ETFB: variants seen among roughly 807,000 people sequenced by gnomAD.
The protein encoded by ETFB is beta-ETF.
Under a neutral mutation model 25.6 loss-of-function variants are expected in ETFB, and 20 were observed. The observed-to-expected ratio is 0.78, with a 90% CI of 0.55 to 1.14. The LOEUF (loss-of-function observed/expected upper bound fraction) is 1.14, where lower values mean the gene tolerates loss of function less well. Ranked by LOEUF, ETFB falls within the 50% of genes most tolerant of loss-of-function variation. ETFB has a pLI of 0.00. For missense variants in ETFB, 286 were observed against 342.6 expected (o/e 0.83, Z 1.30); for synonymous variants, 142 against 146.7 (o/e 0.97, Z 0.23).
At chr19:51,364,811 C>T (rs1382901651) in intron 1 of ETFB, among the ~76,000 whole-genome samples, 1 of 152,166 alleles carries the variant, frequency 6.6e-6, no homozygotes, top group Non-Finnish European at 1.5e-5. Context: ...CAGACTTGCC[C>T]GGGGTTTCGA....
chr19:51,354,351 G>A (rs1447931035), intron 1 of ETFB, 43 bp from the exon 2 acceptor site: 3 of 1,613,802 alleles, frequency 1.9e-6, no homozygotes, highest in African/African-American at 1.3e-5. Flanking sequence ...GAGGAAACAG[G>A]CAAGAAGGTG....
Position 51,350,406 on chromosome 19 carries a change from A to G in ETFB, c.376-15T>C. The G allele has an allele frequency of 1.5e-6, 2 of 1,302,972 alleles. No homozygotes were observed. Among genetic ancestry groups the G allele is most frequent in the Non-Finnish European group, 1.1e-6 (1 of 901,546 alleles). The allele number at this position is 1,302,972 out of a possible 1,614,324, so 80.7% of individuals were successfully genotyped here. A position where few individuals can be genotyped will look rare whatever the true frequency, so the allele number is the denominator to read the frequency against. On this transcript the variant is annotated splice_polypyrimidine_tract_variant and intron_variant, in intron 3 of 5. Coordinates refer to ENST00000309244, the MANE Select transcript of ETFB (RefSeq NM_001985.3). ...TCATCGATGGCCTGAATGGGGAGAG[A>G]CAGAAGACTGTATGACAATCAGTGG...
chr19:51,366,244 G>C (rs1986362601), intron 1 of ETFB, 26 bp downstream of exon 1: 2 of 1,611,452 alleles, frequency 1.2e-6, no homozygotes, highest in African/African-American at 2.7e-5. Flanking sequence ...GGGACTCAGG[G>C]ATGTGGGAGA....
At chr19:51,362,612 C>T (rs1986260045) in intron 1 of ETFB, among the ~76,000 whole-genome samples, 1 of 152,156 alleles carries the variant, frequency 6.6e-6, no homozygotes, top group Non-Finnish European at 1.5e-5. Flanking sequence ...GTGCCAGGCA[C>T]TGTTCCAAGG....
At chr19:51,352,602 A>AAAGGAT (rs931898685) in intron 3 of ETFB, among the ~76,000 whole-genome samples, 6 of 151,652 alleles carry the variant, frequency 4.0e-5, no homozygotes, top group African/African-American at 1.5e-4. Context: ...AACTCACCCA[A>AAAGGAT]AAGGATCTTT....
chr19:51,354,454 G>C, intron 1 of ETFB, 146 bp from the exon 2 acceptor site: 3 of 1,613,908 alleles, frequency 1.9e-6, no homozygotes, highest in Non-Finnish European at 2.5e-6. Context: ...CAGCTCCAGG[G>C]ACAGAACTGG....
In ETFB at chr19:51,345,799, C is replaced by T. The variant is rs866402583; in HGVS notation, c.598-418G>A. On this transcript the variant is annotated intron_variant, in intron 5 of 5. Coordinates refer to ENST00000309244, the MANE Select transcript of ETFB (RefSeq NM_001985.3). Reference sequence around the variant, plus strand: ...ACCCTCCCTATAGGCTGAGATGATGCGCTGAACCCTCCCTATAGGCTGAGA... The same window carrying T: ...ACCCTCCCTATAGGCTGAGATGATGTGCTGAACCCTCCCTATAGGCTGAGA... The T allele has an allele frequency of 8.3e-3, 2,624 of 316,574 alleles. 10 individuals are homozygous for T. The highest frequency in any genetic ancestry group is 0.057 in the African/African-American group (2,405 of 42,218). 19.6% of individuals were successfully genotyped at this position (316,574 alleles called of 1,614,324 possible).
intron 1 of ETFB, among the ~76,000 whole-genome samples, chr19:51,360,401 AAAAAAAAAAAAAG>A (rs2123606282): frequency 7.4e-6 from 1 of 135,042 alleles, no homozygotes; most frequent in African/African-American, 3.2e-5. Context: ...ATTCTATCTC[AAAAAAAAAAAAAG>A]AAAAGAAAAA....
rs78954038 is a variant in ETFB at position 51,366,012 on chromosome 19, T to C, written c.57+258A>G. On this transcript the variant is annotated intron_variant, in intron 1 of 5. Transcript: ENST00000309244. ...GTGACTTCTTCCAGTGGGTAAGAAA[T>C]AGAGAAAGCAACTCACTCTGAACAG... Among the ~76,000 whole-genome samples the C allele has an allele frequency of 0.015, 2,232 of 152,148 alleles. 64 individuals are homozygous for C. The highest frequency in any genetic ancestry group is 0.051 in the African/African-American group (2,101 of 41,496).
rs760012472 is a variant in ETFB, at chr19:51,345,274, G to T, written c.705C>A (p.Ala235=). 11 of 1,614,124 alleles carry T rather than the reference G, an allele frequency of 6.8e-6. No individual in the cohort carries two copies. The South Asian group carries it at 1.2e-4, about 18-fold the overall frequency. Residue 235 remains alanine, a synonymous_variant, in exon 6 of 6, where the codon GCC becomes GCA. Coordinates refer to ENST00000309244, the MANE Select transcript of ETFB (RefSeq NM_001985.3). ...CCTCAGTGGTCTCCACCTTGACGCCGGCCGTGCGCTGGGGCGGGTCCTCCA... is the reference window on the plus strand; with the variant it reads ...CCTCAGTGGTCTCCACCTTGACGCCTGCCGTGCGCTGGGGCGGGTCCTCCA... ...ISVEDPPQRT[A]GVKVETTEDL... is the part of the protein sequence containing the mutation.
At chr19:51,361,463 G>A (rs1330211945) in intron 1 of ETFB, among the ~76,000 whole-genome samples, 3 of 152,314 alleles carry the variant, frequency 2.0e-5, no homozygotes, top group Admixed American at 1.3e-4. Flanking sequence ...TGAGCCCCAC[G>A]TGTGCCCTGT....
In ETFB at chr19:51,366,360, C is replaced by T. The variant is rs757359427; in HGVS notation, c.-34G>A. On this transcript the variant is annotated 5_prime_UTR_variant, in exon 1 of 6. Transcript: ENST00000309244. The stretch of plus-strand genomic sequence containing the variant: ...CGCAGCCACTTACAGGGTCAGCCCG[C>T]ACCCTCAGCGGCTCAGTCCAGAAGC... 12 of 1,606,960 alleles carry T rather than the reference C, an allele frequency of 7.5e-6. No individual in the cohort carries two copies. The Admixed American group carries it at 1.2e-4, about 16-fold the overall frequency.
intron 4 of ETFB, 54 bp from the exon 5 acceptor site, chr19:51,347,112 C>G: frequency 6.3e-7 from 1 of 1,591,812 alleles, no homozygotes. Flanking sequence ...AGGTCCGACC[C>G]GAGCAGTCTG....
chr19:51,363,396 G>T (rs1986277317), intron 1 of ETFB, among the ~76,000 whole-genome samples: 1 of 152,122 alleles, frequency 6.6e-6, no homozygotes. Flanking sequence ...CAACCTGAGG[G>T]TGTAGGGTCA....
At chr19:51,354,689 T>C (rs1410269784) in intron 1 of ETFB, 35 of 1,600,922 alleles carry the variant, frequency 2.2e-5, no homozygotes, top group African/African-American at 5.4e-5. Context: ...GATACATAAA[T>C]ACAAATGAGG....
In ETFB at chr19:51,366,218, G is replaced by A; in HGVS notation, c.57+52C>T. 3.2e-6 allele frequency: 5 copies of A among 1,575,628 alleles called. No individual in the cohort carries two copies. In the South Asian group the frequency reaches 3.3e-5, roughly 10 times the overall value. ...CCACCCAGTGTGCGCTCGTGGCCCC[G>A]GAAGCACACGGCTGCGGGACTCAGG... On this transcript the variant is annotated intron_variant, in intron 1 of 5. Coordinates refer to ENST00000309244, the MANE Select transcript of ETFB (RefSeq NM_001985.3).
intron 5 of ETFB, chr19:51,346,624 G>C: frequency 2.3e-6 from 1 of 439,944 alleles, no homozygotes; most frequent in Non-Finnish European, 4.1e-6. Context: ...TGGCTGGAAT[G>C]ACAAAGGGAA....
intron 1 of ETFB, among the ~76,000 whole-genome samples, chr19:51,361,081 G>A (rs1017548310): frequency 3.2e-4 from 49 of 151,882 alleles, no homozygotes; most frequent in African/African-American, 1.2e-3. Flanking sequence ...CACCGCGCCC[G>A]GCCCACGCCT....
At chr19:51,354,424 G>A (rs1318469734) in intron 1 of ETFB, 116 bp from the exon 2 acceptor site, 2 of 1,613,968 alleles carry the variant, frequency 1.2e-6, no homozygotes, top group Non-Finnish European at 1.7e-6. Context: ...GAAAGGGGCA[G>A]GGCCTTGTCC....
Sources: allele counts gnomAD v4.1 joint callset (sites outside exome capture counted in the v4.1 genomes callset), GRCh38; gene constraint gnomAD v4.1.1; transcripts MANE v1.5; gene names NCBI Gene and HGNC (gene_info 2026-07-23, HGNC 2026-07-21).